Variants in PAM observed in about 807,000 individuals in gnomAD.
PAM encodes peptidylglycine alpha-amidating monooxygenase, also known as peptidyl-glycine alpha-amidating monooxygenase.
PAM carries 72 observed loss-of-function variants against 122.1 expected under a neutral mutation model. The observed-to-expected ratio is 0.59, with a 90% confidence interval of 0.49 to 0.72. The LOEUF (loss-of-function observed/expected upper bound fraction) is 0.72, where lower values mean the gene tolerates loss of function less well. Ranked by LOEUF, PAM falls within the 30% of genes least tolerant of loss-of-function variation. The pLI is 0.00. For synonymous variants in PAM, 389 were observed against 404.4 expected (o/e 0.96, Z 0.46); for missense variants, 1,106 against 1,183.7 (o/e 0.93, Z 0.96).
At chr5:102,838,076 A>G (rs545340774) in intron 1 of PAM, 27 of 152,294 alleles carry the variant, frequency 1.8e-4, no homozygotes, top group African/African-American at 6.3e-4. Context: ...AAAGAAATTG[A>G]TTATAGTTCA....
chr5:102,866,395 G>A lies in PAM; in HGVS notation c.89+111G>A, dbSNP rs181374090. 8.9e-5 allele frequency: 65 copies of A among 729,398 alleles called. No individual in the cohort carries two copies. The East Asian group carries it at 1.7e-3, about 19-fold the overall frequency. 45.2% of individuals were successfully genotyped at this position (729,398 alleles called of 1,614,324 possible). ...CGGGGTTGATGTTCTTTGCTGGAAT[G>A]ACTTGGAATTTTACCACAGTAACTT... On this transcript the variant is annotated intron_variant, in intron 2 of 25. Coordinates refer to ENST00000438793, the MANE Select transcript of PAM (RefSeq NM_001177306.2).
intron 3 of PAM, among the ~76,000 whole-genome samples, chr5:102,870,998 A>G (rs147865172): frequency 1.3e-5 from 2 of 152,342 alleles, no homozygotes; most frequent in East Asian, 3.9e-4. Context: ...CATGTTAACT[A>G]TCCCTTTGGT....
intron 7 of PAM, among the ~76,000 whole-genome samples, chr5:102,927,717 T>C (rs1750077871): frequency 1.3e-5 from 2 of 150,960 alleles, no homozygotes; most frequent in Middle Eastern, 3.5e-3. Context: ...ATTGAAAATG[T>C]ACTATAATCA....
intron 15 of PAM, among the ~76,000 whole-genome samples, chr5:102,981,947 C>T (rs989243435): frequency 6.6e-6 from 1 of 152,164 alleles, no homozygotes; most frequent in Non-Finnish European, 1.5e-5. Context: ...TTCAAAAATA[C>T]AGCATTAATC....
At chr5:102,919,903 A>G (rs2151648305) in intron 5 of PAM, among the ~76,000 whole-genome samples, 1 of 152,250 alleles carries the variant, frequency 6.6e-6, no homozygotes, top group East Asian at 1.9e-4. Flanking sequence ...TTTGTAGACT[A>G]GTGTCAACTT....
intron 3 of PAM, among the ~76,000 whole-genome samples, chr5:102,868,884 G>A (rs1183079476): frequency 6.6e-6 from 1 of 152,126 alleles, no homozygotes; most frequent in Non-Finnish European, 1.5e-5. Flanking sequence ...AGATCTTAGA[G>A]GAATTGATTA....
intron 3 of PAM, among the ~76,000 whole-genome samples, chr5:102,894,985 T>G (rs1795798145): frequency 6.7e-6 from 1 of 148,420 alleles, no homozygotes; most frequent in Non-Finnish European, 1.5e-5. Context: ...TTCCATGTCA[T>G]TTTCCTACAA....
At chr5:102,968,332 A>C (rs539042562) in intron 14 of PAM, among the ~76,000 whole-genome samples, 1 of 152,208 alleles carries the variant, frequency 6.6e-6, no homozygotes, top group Non-Finnish European at 1.5e-5. Context: ...GGCAACTGTC[A>C]TTCTGACCGT....
At chr5:102,957,392 C>T (rs1007537579) in intron 12 of PAM, among the ~76,000 whole-genome samples, 15 of 152,118 alleles carry the variant, frequency 9.9e-5, no homozygotes, top group African/African-American at 3.1e-4. Context: ...ACTGTATCCA[C>T]GCCCCCCACC....
intron 24 of PAM, among the ~76,000 whole-genome samples, chr5:103,025,794 C>T (rs1267362276): frequency 6.6e-6 from 1 of 152,018 alleles, no homozygotes; most frequent in African/African-American, 2.4e-5. Flanking sequence ...TCTCTCCAGA[C>T]CAGTTTTCTC....
chr5:102,858,172 T>C (rs1258387016), intron 1 of PAM, among the ~76,000 whole-genome samples: 1 of 152,220 alleles, frequency 6.6e-6, no homozygotes, highest in South Asian at 2.1e-4. Context: ...TTTTCCCCCA[T>C]TATTTGGAAG....
In PAM at chr5:102,866,349, C is replaced by T. The variant is rs1026480084; in HGVS notation, c.89+65C>T. ...TGAGAAATGTAATCACTTTTATGAA[C>T]CTGAGTGTTGGCAAAATAGACGGGG... On this transcript the variant is annotated intron_variant, in intron 2 of 25. Coordinates refer to ENST00000438793, the MANE Select transcript of PAM (RefSeq NM_001177306.2). The T allele has an allele frequency of 2.6e-5, 28 of 1,078,816 alleles. No homozygotes were observed. The Admixed American group carries it at 4.9e-4, about 19-fold the overall frequency. The allele number at this position is 1,078,816 out of a possible 1,614,324, so 66.8% of individuals were successfully genotyped here. A position where few individuals can be genotyped will look rare whatever the true frequency, so the allele number is the denominator to read the frequency against.
intron 1 of PAM, among the ~76,000 whole-genome samples, chr5:102,864,833 TTTTAA>T (rs1173442232): frequency 6.6e-6 from 1 of 152,210 alleles, no homozygotes; most frequent in Non-Finnish European, 1.5e-5. Context: ...AATTATACAG[TTTTAA>T]TTTATGCCTT....
intron 3 of PAM, among the ~76,000 whole-genome samples, chr5:102,878,301 T>G (rs1371128102): frequency 6.6e-6 from 1 of 152,166 alleles, no homozygotes; most frequent in East Asian, 1.9e-4. Flanking sequence ...GTGATGTAGC[T>G]TTCATAACTT....
At chr5:102,787,851 AAGCCATTAT>A (rs1402838837) in intron 1 of PAM, among the ~76,000 whole-genome samples, 37 of 152,176 alleles carry the variant, frequency 2.4e-4, no homozygotes, top group African/African-American at 8.7e-4. Context: ...GGAGTTCTCT[AAGCCATTAT>A]AGTGAGTCTC....
intron 1 of PAM, among the ~76,000 whole-genome samples, chr5:102,864,181 T>G: frequency 7.2e-6 from 1 of 138,668 alleles, no homozygotes. Context: ...TATATATATA[T>G]ATATTTTTTT....
rs1283749085 is a variant in PAM, at chr5:102,790,387, A to G, written c.-374+35039A>G. 2.6e-5 allele frequency among the ~76,000 whole-genome samples: 4 copies of G among 152,106 alleles called. No individual in the cohort carries two copies. In the East Asian group the frequency reaches 5.8e-4, roughly 22 times the overall value. On this transcript the variant is annotated intron_variant, in intron 1 of 25. Coordinates refer to ENST00000438793, the MANE Select transcript of PAM (RefSeq NM_001177306.2). ...TCGATAGTGCTATTATTCCCATTGT[A>G]TAGATGCACAAAGAGGTTTAGAGAG...
In PAM at chr5:102,758,068, ATTTTGTTTTTTTTT is replaced by A. The variant is rs1751053928; in HGVS notation, c.-374+2725_-374+2738del. Among the ~76,000 whole-genome samples the A allele has an allele frequency of 1.3e-3, 117 of 87,614 alleles. 2 individuals are homozygous for A. The highest frequency in any genetic ancestry group is 4.8e-3 in the African/African-American group (112 of 23,096). The allele number at this position is 87,614 out of a possible 152,430, so 57.5% of individuals were successfully genotyped here. Reference sequence around the variant, plus strand: ...AAAAAAAAAAAAAAAAAGACTTAGAATTTTGTTTTTTTTTTTTTTTTTTTTTTTTTTTTTTTTTT... The same window carrying A: ...AAAAAAAAAAAAAAAAAGACTTAGAATTTTTTTTTTTTTTTTTTTTTTTTT... On this transcript the variant is annotated intron_variant, in intron 1 of 25. Transcript: ENST00000438793.
rs1168917285 is a variant in PAM, at chr5:102,758,073, G to GTTTTTTTT, written c.-374+2753_-374+2760dup. 2.2e-3 allele frequency among the ~76,000 whole-genome samples: 55 copies of GTTTTTTTT among 24,786 alleles called. 1 individual carries two copies. Among genetic ancestry groups the GTTTTTTTT allele is most frequent in the Non-Finnish European group, 3.8e-3 (42 of 11,088 alleles). The allele number at this position is 24,786 out of a possible 152,430, so 16.3% of individuals were successfully genotyped here. A position where few individuals can be genotyped will look rare whatever the true frequency, so the allele number is the denominator to read the frequency against. On this transcript the variant is annotated intron_variant, in intron 1 of 25. Coordinates refer to ENST00000438793, the MANE Select transcript of PAM (RefSeq NM_001177306.2). ...AAAAAAAAAAAAGACTTAGAATTTT[G>GTTTTTTTT]TTTTTTTTTTTTTTTTTTTTTTTTT...
Sources: gnomAD v4.1 joint callset for allele counts (sites outside exome capture counted in the v4.1 genomes callset) on GRCh38, gnomAD v4.1.1 for gene constraint, MANE v1.5 for transcripts, NCBI Gene and HGNC (gene_info 2026-07-23, HGNC 2026-07-21) for gene names.